Variants in FHIT observed in about 807,000 individuals in gnomAD.
FHIT encodes the protein fragile histidine triad diadenosine triphosphatase, also known as bis(5'-adenosyl)-triphosphatase.
FHIT carries 19 observed loss-of-function variants against 17.9 expected under a neutral mutation model. That is an observed-to-expected ratio of 1.06 (90% CI 0.74 to 1.56). The LOEUF is 1.56. FHIT is among the 40% of genes most tolerant of loss of function. FHIT has a pLI of 0.00. For missense variants in FHIT, 248 were observed against 189.2 expected (o/e 1.31, Z -1.82); for synonymous variants, 81 against 69.7 (o/e 1.16, Z -0.81).
chr3:60,621,888 A>T (rs2039141399), intron 4 of FHIT, among the ~76,000 whole-genome samples: 1 of 151,428 alleles, frequency 6.6e-6, no homozygotes, highest in Non-Finnish European at 1.5e-5. Flanking sequence ...AAAAAAAAAT[A>T]CAATTACATG....
chr3:61,095,878 T>C (rs900147870), intron 2 of FHIT, among the ~76,000 whole-genome samples: 3 of 152,174 alleles, frequency 2.0e-5, no homozygotes, highest in African/African-American at 7.2e-5. Context: ...TCTTGTTCTA[T>C]AGAGAAGTTC....
At chr3:60,653,352 G>A (rs375900003) in intron 4 of FHIT, among the ~76,000 whole-genome samples, 53 of 152,006 alleles carry the variant, frequency 3.5e-4, no homozygotes, top group African/African-American at 1.2e-3. Flanking sequence ...AAATGCGTAA[G>A]TAAAAAATTC....
At chr3:60,971,479 T>C (rs1168954530) in intron 3 of FHIT, among the ~76,000 whole-genome samples, 1 of 152,210 alleles carries the variant, frequency 6.6e-6, no homozygotes, top group Non-Finnish European at 1.5e-5. Flanking sequence ...GATTGGTTTA[T>C]TTGTCCTTTA....
chr3:60,967,901 T>A (rs541044589), intron 3 of FHIT, among the ~76,000 whole-genome samples: 243 of 152,286 alleles, frequency 1.6e-3, no homozygotes, highest in South Asian at 2.7e-3. Flanking sequence ...ATTAAAAAAA[T>A]TAAATATGCT....
intron 4 of FHIT, among the ~76,000 whole-genome samples, chr3:60,665,182 T>C (rs2040353215): frequency 6.6e-6 from 1 of 152,018 alleles, no homozygotes; most frequent in Non-Finnish European, 1.5e-5. Flanking sequence ...TAAGCATTTT[T>C]TATGGCCTAT....
intron 2 of FHIT, among the ~76,000 whole-genome samples, chr3:61,133,118 GGAA>G (rs2036813969): frequency 6.6e-6 from 1 of 152,170 alleles, no homozygotes; most frequent in African/African-American, 2.4e-5. Context: ...ACTTTCTAAA[GGAA>G]GACGTCTCAA....
chr3:60,746,080 G>A (rs1458617769), intron 4 of FHIT, among the ~76,000 whole-genome samples: 2 of 152,156 alleles, frequency 1.3e-5, no homozygotes, highest in Non-Finnish European at 2.9e-5. Context: ...CACTGCACCT[G>A]ATTTTTTAAA....
chr3:60,117,683 G>C (rs931066532), intron 5 of FHIT, among the ~76,000 whole-genome samples: 14 of 152,180 alleles, frequency 9.2e-5, no homozygotes, highest in Admixed American at 9.2e-4. Flanking sequence ...CCAATGCTGA[G>C]GGTCCAGATG....
intron 8 of FHIT, among the ~76,000 whole-genome samples, chr3:59,817,465 G>A (rs1207514492): frequency 6.6e-6 from 1 of 151,280 alleles, no homozygotes; most frequent in Non-Finnish European, 1.5e-5. Context: ...CAGGGAGGCT[G>A]AGGCAGGATC....
chr3:60,379,091 G>A (rs182917462), intron 5 of FHIT, among the ~76,000 whole-genome samples: 139 of 152,262 alleles, frequency 9.1e-4, no homozygotes, highest in Middle Eastern at 3.4e-3. Flanking sequence ...GTGAAAATGA[G>A]AGCACATTAC....
intron 7 of FHIT, among the ~76,000 whole-genome samples, chr3:59,960,979 T>C (rs1045130874): frequency 6.6e-6 from 1 of 152,182 alleles, no homozygotes; most frequent in Non-Finnish European, 1.5e-5. Context: ...AAGGACTATC[T>C]TTGAGACTCT....
intron 7 of FHIT, among the ~76,000 whole-genome samples, chr3:59,928,335 T>C (rs62238346): frequency 0.16 from 24,196 of 152,212 alleles, 2,196 homozygotes; most frequent in Middle Eastern, 0.26. Flanking sequence ...GGCAGAGGTA[T>C]CATAGATTTT....
intron 5 of FHIT, among the ~76,000 whole-genome samples, chr3:60,231,651 T>A (rs1317427084): frequency 6.6e-6 from 1 of 152,196 alleles, no homozygotes; most frequent in African/African-American, 2.4e-5. Context: ...TGAGCACATA[T>A]TATGTGTCAA....
At chr3:60,777,523 G>T (rs11919041) in intron 4 of FHIT, among the ~76,000 whole-genome samples, 47,698 of 152,008 alleles carry the variant, frequency 0.31, 8,154 homozygotes, top group African/African-American at 0.42. Context: ...GAGAGAGCAG[G>T]TTATAAAATG....
Position 60,189,715 on chromosome 3 carries a change from A to ATCG in FHIT, c.104-175566_104-175564dup, listed in dbSNP as rs763357679. ...TGTGAATGTTTTAGTAATGACATGA[A>ATCG]TCGTTTTTCAGCTCTCTGACATTTA... On this transcript the variant is annotated intron_variant, in intron 5 of 9. Transcript: ENST00000492590. Among the ~76,000 whole-genome samples the ATCG allele has an allele frequency of 5.8e-4, 89 of 152,320 alleles. No individual in the cohort carries two copies. In the Middle Eastern group the frequency reaches 0.02, roughly 35 times the overall value.
chr3:60,439,500 G>A (rs374259445), intron 5 of FHIT, among the ~76,000 whole-genome samples: 2 of 152,156 alleles, frequency 1.3e-5, no homozygotes, highest in African/African-American at 4.8e-5. Context: ...TCAGAACCCT[G>A]CTTTTAGTTT....
rs1416210438 is a variant in FHIT, at chr3:60,687,212, GA to G, written c.-18+134706del. Among the ~76,000 whole-genome samples, 8 of 151,468 alleles carry G rather than the reference GA, an allele frequency of 5.3e-5. No homozygotes were observed. In the East Asian group the frequency reaches 9.7e-4, roughly 18 times the overall value. ...ATTTGCTTGTTGGTCTTATTTAACA[GA>G]AAAAAAAGGAGTCTCTATTTATTAA... is the stretch of plus-strand genomic sequence containing the variant. On this transcript the variant is annotated intron_variant, in intron 4 of 9. Coordinates refer to ENST00000492590, the MANE Select transcript of FHIT (RefSeq NM_002012.4).
chr3:60,572,332 CTTTT>C (rs941595312), intron 4 of FHIT, among the ~76,000 whole-genome samples: 4 of 139,688 alleles, frequency 2.9e-5, no homozygotes, highest in African/African-American at 1.3e-4. Flanking sequence ...ATAATTCTTT[CTTTT>C]TAATTACTCC....
In FHIT at chr3:60,689,688, G is replaced by A. The variant is rs199537235; in HGVS notation, c.-18+132231C>T. On this transcript the variant is annotated intron_variant, in intron 4 of 9. Transcript: ENST00000492590. The stretch of plus-strand genomic sequence containing the variant: ...AAAAGAATATTAATATTTGTTGAAC[G>A]AATACATTTTAAAACTTTCAAATAT... Among the ~76,000 whole-genome samples the A allele has an allele frequency of 2.0e-4, 31 of 152,152 alleles. No homozygotes were observed. The East Asian group carries it at 2.9e-3, about 14-fold the overall frequency.
Sources: allele counts gnomAD v4.1 joint callset (sites outside exome capture counted in the v4.1 genomes callset), GRCh38; gene constraint gnomAD v4.1.1; transcripts MANE v1.5; gene names NCBI Gene and HGNC (gene_info 2026-07-23, HGNC 2026-07-21).